Variants in XYLB observed in about 807,000 individuals in gnomAD.
XYLB encodes xylulokinase, also known as xylulose kinase.
XYLB carries 62 observed loss-of-function variants against 78.7 expected under a neutral mutation model. The observed-to-expected ratio is 0.79, with a 90% CI of 0.64 to 0.97. The LOEUF (loss-of-function observed/expected upper bound fraction) is 0.97, where lower values mean the gene tolerates loss of function less well. Ranked by LOEUF, XYLB falls within the 50% of genes least tolerant of loss-of-function variation. The pLI is 0.00. For synonymous variants in XYLB, 245 were observed against 247.4 expected, an observed-to-expected ratio of 0.99 and a Z score of 0.09; for missense variants, 687 against 676.8, an observed-to-expected ratio of 1.02 and a Z score of -0.17.
At chr3:38,416,091 G>A (rs866438163), downstream of XYLB, among the ~76,000 whole-genome samples, 10 of 152,238 alleles carry the variant, frequency 6.6e-5, no homozygotes, top group Admixed American at 2.6e-4. Flanking sequence ...AACACCTGGG[G>A]ATTACAATTC....
In XYLB at chr3:38,400,876, A is replaced by G; in HGVS notation, c.1439-15A>G. 1 of 1,611,804 alleles carries G rather than the reference A, an allele frequency of 6.2e-7. No individual in the cohort carries two copies. The highest frequency in any genetic ancestry group is 8.5e-7 in the Non-Finnish European group (1 of 1,178,634). On this transcript the variant is annotated splice_polypyrimidine_tract_variant and intron_variant, in intron 17 of 18. Transcript: ENST00000207870. ...TTGCAACATGCACTAATGTGAAGTG[A>G]CCTTTCCCTTCTAGGTCTTGCAGGT...
chr3:38,441,606 A>T, the XYLB span, among the ~76,000 whole-genome samples: 1 of 152,194 alleles, frequency 6.6e-6, no homozygotes, highest in Non-Finnish European at 1.5e-5. Context: ...TCCCTCAAGG[A>T]GTAGCTCCTG....
chr3:38,398,166 CCTT>C (rs1469424649), intron 17 of XYLB, among the ~76,000 whole-genome samples: 1 of 151,498 alleles, frequency 6.6e-6, no homozygotes, highest in Non-Finnish European at 1.5e-5. Flanking sequence ...GGCAACATAT[CCTT>C]CTCTCAATAA....
chr3:38,441,474 T>G, the XYLB span, among the ~76,000 whole-genome samples: 36 of 152,202 alleles, frequency 2.4e-4, no homozygotes, highest in African/African-American at 8.2e-4. Flanking sequence ...TTCTAAGAGA[T>G]CCTCTCAGGC....
chr3:38,355,774 G>C (rs1406136326), intron 2 of XYLB: 2 of 703,536 alleles, frequency 2.8e-6, no homozygotes, highest in African/African-American at 3.5e-5. Context: ...GAACATGACA[G>C]AGCCACCATC....
chr3:38,406,759 G>A lies in XYLB; in HGVS notation c.1533+5774G>A, dbSNP rs552647813. 2.0e-4 allele frequency among the ~76,000 whole-genome samples: 30 copies of A among 152,318 alleles called. 1 individual carries two copies. In the East Asian group the frequency reaches 4.0e-3, roughly 21 times the overall value. ...ATGCAGAAGCCTCAGGAGCCGATGC[G>A]ATCAGCTGGAAGAAAGGGTATCAGT... On this transcript the variant is annotated intron_variant, in intron 18 of 18. Coordinates refer to ENST00000207870, the MANE Select transcript of XYLB (RefSeq NM_005108.4).
intron 17 of XYLB, among the ~76,000 whole-genome samples, chr3:38,398,993 C>T (rs372085047): frequency 1.3e-5 from 2 of 151,878 alleles, no homozygotes; most frequent in Non-Finnish European, 2.9e-5. Context: ...TGCAGTGAGC[C>T]GAGATCGCAC....
At chr3:38,366,958 G>T in intron 7 of XYLB, 85 bp downstream of exon 7, 2 of 918,756 alleles carry the variant, frequency 2.2e-6, no homozygotes, top group South Asian at 2.9e-5. Context: ...TACGTGCAGT[G>T]ACTGAAAACA....
chr3:38,417,929 T>C (rs1317383400), downstream of XYLB, among the ~76,000 whole-genome samples: 20 of 149,516 alleles, frequency 1.3e-4, no homozygotes, highest in Admixed American at 1.3e-3. Context: ...TGGTGTCTCA[T>C]GTCTGTAATC....
At chr3:38,443,248 G>C in the XYLB span, among the ~76,000 whole-genome samples, 18 of 152,112 alleles carry the variant, frequency 1.2e-4, no homozygotes, top group African/African-American at 4.1e-4. Flanking sequence ...ATGTACCTGG[G>C]GCTCAGTGAG....
intron 15 of XYLB, among the ~76,000 whole-genome samples, chr3:38,388,758 C>G (rs1192809043): frequency 1.3e-5 from 2 of 152,090 alleles, no homozygotes; most frequent in African/African-American, 4.8e-5. Flanking sequence ...TGACTCAGAA[C>G]TAGTTTGTTC....
chr3:38,375,854 G>C (rs196378), intron 12 of XYLB, among the ~76,000 whole-genome samples: 52,457 of 151,980 alleles, frequency 0.35, 10,287 homozygotes, highest in South Asian at 0.46. Flanking sequence ...CAAGCTCCCT[G>C]TCTCTACCTG....
At chr3:38,371,247 C>T (rs2125593150) in intron 9 of XYLB, among the ~76,000 whole-genome samples, 1 of 151,526 alleles carries the variant, frequency 6.6e-6, no homozygotes, top group South Asian at 2.1e-4. Flanking sequence ...TAGCTGGGAC[C>T]ATAGGCTTGC....
rs376346488 is a variant in XYLB, at chr3:38,363,033, A to T, written c.291+16A>T. The T allele has an allele frequency of 3.9e-6, 6 of 1,526,308 alleles. No individual in the cohort carries two copies. The East Asian group carries it at 9.8e-5, about 25-fold the overall frequency. The allele number at this position is 1,526,308 out of a possible 1,614,324, so 94.5% of individuals were successfully genotyped here. On this transcript the variant is annotated intron_variant, in intron 4 of 18. Coordinates refer to ENST00000207870, the MANE Select transcript of XYLB (RefSeq NM_005108.4). ...GGCGGGCCAGGTTCGTTTGCAGCAG[A>T]CTCTGTCTGCCATGTGAGGGTGACT... is the stretch of plus-strand genomic sequence containing the variant.
At chr3:38,381,250 G>A (rs1707129274) in intron 15 of XYLB, among the ~76,000 whole-genome samples, 1 of 152,166 alleles carries the variant, frequency 6.6e-6, no homozygotes, top group Non-Finnish European at 1.5e-5. Context: ...AACATAAATT[G>A]TAAAGATTTC....
chr3:38,356,756 T>C (rs1424581139), intron 2 of XYLB: 1 of 152,370 alleles, frequency 6.6e-6, no homozygotes, highest in South Asian at 2.1e-4. Flanking sequence ...ATTCAACTTT[T>C]AGACATTTGA....
chr3:38,400,013 A>G (rs555124218), intron 17 of XYLB, among the ~76,000 whole-genome samples: 83 of 152,230 alleles, frequency 5.5e-4, no homozygotes, highest in African/African-American at 2.0e-3. Context: ...ATTTTCTAGC[A>G]TTTGGTTAGG....
intron 2 of XYLB, among the ~76,000 whole-genome samples, chr3:38,349,263 C>G (rs904560944): frequency 6.6e-6 from 1 of 152,206 alleles, no homozygotes; most frequent in Admixed American, 6.5e-5. Flanking sequence ...TGCTGGGGAG[C>G]AGAGAGAGGC....
intron 5 of XYLB, 108 bp downstream of exon 5, chr3:38,365,393 C>T (rs1706199936): frequency 1.4e-6 from 2 of 1,385,564 alleles, no homozygotes; most frequent in Non-Finnish European, 2.0e-6. Context: ...CACGCGCCCT[C>T]ACCAGAAGAG....
Sources: gnomAD v4.1 joint callset for allele counts (sites outside exome capture counted in the v4.1 genomes callset) on GRCh38, gnomAD v4.1.1 for gene constraint, MANE v1.5 for transcripts, NCBI Gene and HGNC (gene_info 2026-07-23, HGNC 2026-07-21) for gene names.